The following SUPT16H variants were observed in gnomAD, a reference collection of about 807,000 sequenced individuals.
The protein encoded by SUPT16H is FACT complex subunit SPT16.
A neutral mutation model predicts 136.2 loss-of-function variants in SUPT16H; 24 were observed. The observed-to-expected ratio is 0.18, with a 90% CI of 0.13 to 0.25. The LOEUF is 0.25. Among genes scored for constraint, SUPT16H ranks in the 10% least tolerant of loss-of-function variants. SUPT16H has a pLI of 1.00. For synonymous variants in SUPT16H, 415 were observed against 428.2 expected, an observed-to-expected ratio of 0.97 and a Z score of 0.38; for missense variants, 623 against 1,270.2, an observed-to-expected ratio of 0.49 and a Z score of 7.74.
chr14:21,359,384 C>A, intron 19 of SUPT16H, 100 bp downstream of exon 19: 1 of 1,513,218 alleles, frequency 6.6e-7, no homozygotes, highest in Non-Finnish European at 8.9e-7. Context: ...GCGCGAGTCA[C>A]CACGCCAGCC....
At chr14:21,354,335 C>T (rs981086229) in intron 23 of SUPT16H, 76 bp downstream of exon 23, 2 of 1,575,844 alleles carry the variant, frequency 1.3e-6, no homozygotes, top group East Asian at 2.2e-5. Context: ...TTATGTACTA[C>T]TCATATTCCA....
At chr14:21,355,518 A>T (rs1296875327) in intron 22 of SUPT16H, among the ~76,000 whole-genome samples, 1,633 of 41,302 alleles carry the variant, frequency 0.04, 14 homozygotes, top group African/African-American at 0.11. Context: ...AATAATAAAA[A>T]AAAAAAAAAA....
intron 4 of SUPT16H, 108 bp downstream of exon 4, chr14:21,370,227 AC>A (rs1886756788): frequency 7.3e-7 from 1 of 1,371,578 alleles, no homozygotes; most frequent in Non-Finnish European, 9.9e-7. Context: ...TAAAATGTAA[AC>A]AAACATACAG....
chr14:21,379,468 G>A (rs1886973506), intron 1 of SUPT16H, among the ~76,000 whole-genome samples: 2 of 148,026 alleles, frequency 1.4e-5, no homozygotes, highest in Non-Finnish European at 3.0e-5. Flanking sequence ...TAGAGAACTA[G>A]ACTATAAAAG....
In SUPT16H at chr14:21,368,229, G is replaced by C. The variant is rs780429735; in HGVS notation, c.955+40C>G. The C allele has an allele frequency of 5.1e-6, 8 of 1,578,338 alleles. No individual in the cohort carries two copies. In the South Asian group the frequency reaches 9.4e-5, roughly 19 times the overall value. The stretch of plus-strand genomic sequence containing the variant: ...ACAGCTCCCGGCCAATGACATTTTT[G>C]TTACACAACTTTCAAACCTCCTTTT... On this transcript the variant is annotated intron_variant, in intron 7 of 25. Transcript: ENST00000216297.
At chr14:21,372,199 C>G (rs1886801143) in intron 2 of SUPT16H, 155 bp from the exon 3 acceptor site, 1 of 736,000 alleles carries the variant, frequency 1.4e-6, no homozygotes, top group South Asian at 2.2e-5. Context: ...ACAAATTAAG[C>G]AAGATCGGCC....
intron 10 of SUPT16H, among the ~76,000 whole-genome samples, chr14:21,364,159 A>G (rs1282906417): frequency 6.6e-6 from 1 of 152,214 alleles, no homozygotes; most frequent in Non-Finnish European, 1.5e-5. Context: ...TATTTCAATG[A>G]ATTAATGTAA....
chr14:21,371,183 T>C (rs1375151316), intron 3 of SUPT16H, among the ~76,000 whole-genome samples: 2 of 152,206 alleles, frequency 1.3e-5, no homozygotes, highest in Non-Finnish European at 2.9e-5. Flanking sequence ...ACCTGTAAGA[T>C]GCCTTCCCAT....
At chr14:21,373,876 C>T (rs1886840851) in intron 1 of SUPT16H, among the ~76,000 whole-genome samples, 1 of 151,774 alleles carries the variant, frequency 6.6e-6, no homozygotes, top group Admixed American at 6.6e-5. Context: ...TACAGGTGCC[C>T]ACCACCACAC....
At chr14:21,352,908 T>C (rs1432525192) in intron 25 of SUPT16H, 90 bp from the exon 26 acceptor site, 2 of 1,550,832 alleles carry the variant, frequency 1.3e-6, no homozygotes, top group Non-Finnish European at 1.8e-6. Context: ...GAGAATACAC[T>C]TTGGAATCAG....
At chr14:21,373,780 T>A (rs781061756) in intron 1 of SUPT16H, among the ~76,000 whole-genome samples, 1 of 152,210 alleles carries the variant, frequency 6.6e-6, no homozygotes, top group Non-Finnish European at 1.5e-5. Context: ...CAGGCTGGAA[T>A]GCAATGGTGC....
At chr14:21,353,855 T>C (rs1566379734) in intron 23 of SUPT16H, 23 bp from the exon 24 acceptor site, 7 of 1,594,204 alleles carry the variant, frequency 4.4e-6, no homozygotes, top group East Asian at 2.2e-5. Context: ...AGCATAATAC[T>C]GATTTTTTTT....
chr14:21,353,246 G>T (rs1053376190), intron 25 of SUPT16H, among the ~76,000 whole-genome samples: 4 of 152,196 alleles, frequency 2.6e-5, no homozygotes, highest in African/African-American at 9.7e-5. Context: ...GGAAAGATGG[G>T]GGCTTGCGCA....
rs1322155329 is a variant in SUPT16H, at chr14:21,361,140, G to T, written c.1867C>A (p.Arg623=). The change falls in exon 16 of 26, where the codon CGA becomes AGA. Residue 623 remains arginine, a synonymous_variant. Transcript: ENST00000216297. ...CGTTTCTGTACTTCTTTAATAATTC[G>T]GAAAGCATTCTGAAGGTTCAAGGCT... ...VPALNLQNAF[R]IIKEVQKRYK... 1.9e-6 allele frequency: 3 copies of T among 1,613,886 alleles called. No homozygotes were observed. Among genetic ancestry groups the T allele is most frequent in the Non-Finnish European group, 2.5e-6 (3 of 1,179,986 alleles).
rs372717477 is a variant in SUPT16H, at chr14:21,352,834, A to G, written c.2999-16T>C. The G allele has an allele frequency of 3.1e-6, 5 of 1,613,962 alleles. No homozygotes were observed. The highest frequency in any genetic ancestry group is 3.3e-5 in the Admixed American group (2 of 59,980). On this transcript the variant is annotated splice_polypyrimidine_tract_variant and intron_variant, in intron 25 of 25. Transcript: ENST00000216297. ...TCTCGGTCCGCTAAATAGAAGAGGC[A>G]TTATTAGTTAGCAATAGGTAAGCTT... is the stretch of plus-strand genomic sequence containing the variant.
rs1317302744 is a variant in SUPT16H at position 21,351,505 on chromosome 14, AG to A, written c.*1167del. 4 of 268,552 alleles carry A rather than the reference AG, an allele frequency of 1.5e-5. No individual in the cohort carries two copies. Among genetic ancestry groups the A allele is most frequent in the African/African-American group, 6.6e-5 (3 of 45,308 alleles). 16.6% of individuals were successfully genotyped at this position (268,552 alleles called of 1,614,324 possible). A position where few individuals can be genotyped will look rare whatever the true frequency, so the allele number is the denominator to read the frequency against. On this transcript the variant is annotated 3_prime_UTR_variant, in exon 26 of 26. Transcript: ENST00000216297. ...CAAAAACAAACAACAAAAAAAACCC[AG>A]TTTATTCATCTTTTAGTTCTTCCAA...
intron 2 of SUPT16H, 127 bp downstream of exon 2, chr14:21,373,211 G>T: frequency 1.3e-6 from 1 of 747,740 alleles, no homozygotes; most frequent in Non-Finnish European, 2.3e-6. Flanking sequence ...CTCCCAAAGT[G>T]CTGGGATTAC....
At chr14:21,368,858 TA>T (rs1160286268) in intron 6 of SUPT16H, among the ~76,000 whole-genome samples, 29 of 152,108 alleles carry the variant, frequency 1.9e-4, no homozygotes, top group Admixed American at 3.3e-4. Flanking sequence ...ATGTGGGAAC[TA>T]AAAAATTGGA....
rs756382558 is a variant in SUPT16H at position 21,383,969 on chromosome 14, G to C, written c.-42C>G. 1.1e-5 allele frequency: 17 copies of C among 1,610,990 alleles called. No homozygotes were observed. Among genetic ancestry groups the C allele is most frequent in the Non-Finnish European group, 1.4e-5 (16 of 1,179,070 alleles). On this transcript the variant is annotated 5_prime_UTR_variant, in exon 1 of 26. Transcript: ENST00000216297. ...TCTCCTCGGGTTCCGAGAATCACGC[G>C]AGGTCCCGGCTCAGCCACCCGCTCT... is the stretch of plus-strand genomic sequence containing the variant.
Sources: allele counts gnomAD v4.1 joint callset (sites outside exome capture counted in the v4.1 genomes callset), GRCh38; gene constraint gnomAD v4.1.1; transcripts MANE v1.5; gene names NCBI Gene and HGNC (gene_info 2026-07-23, HGNC 2026-07-21).